The following FGF14 variants were observed in gnomAD, a reference collection of about 807,000 sequenced individuals.
The protein encoded by FGF14 is fibroblast growth factor 14, also known as fibroblast growth factor homologous factor 4.
FGF14 carries 5 observed loss-of-function variants against 25.5 expected under a neutral mutation model. That is an observed-to-expected ratio of 0.20 (90% CI 0.10 to 0.41). The LOEUF (loss-of-function observed/expected upper bound fraction) is 0.41. FGF14 is among the 10% of genes least tolerant of loss of function. FGF14 has a pLI of 1.00. For missense variants in FGF14, 222 were observed against 320.1 expected, an observed-to-expected ratio of 0.69 and a Z score of 2.34; for synonymous variants, 138 against 118.3, an observed-to-expected ratio of 1.17 and a Z score of -1.08.
intron 1 of FGF14, among the ~76,000 whole-genome samples, chr13:102,101,887 G>C (rs1470016569): frequency 6.6e-6 from 1 of 152,046 alleles, no homozygotes; most frequent in Non-Finnish European, 1.5e-5. Flanking sequence ...ATTTTTAGTA[G>C]AGATGGGGTT....
intron 1 of FGF14, among the ~76,000 whole-genome samples, chr13:102,268,803 A>G (rs2053115405): frequency 6.6e-6 from 1 of 152,186 alleles, no homozygotes; most frequent in Non-Finnish European, 1.5e-5. Context: ...ATAGAAATAA[A>G]TTAACAAAAA....
intron 1 of FGF14, among the ~76,000 whole-genome samples, chr13:102,137,990 G>A (rs1308358395): frequency 6.6e-6 from 1 of 150,550 alleles, no homozygotes; most frequent in Non-Finnish European, 1.5e-5. Flanking sequence ...AGAAGTCCTT[G>A]TGAGGGAAAG....
chr13:102,045,838 C>G (rs1223007118), intron 1 of FGF14: 1 of 152,334 alleles, frequency 6.6e-6, no homozygotes, highest in Non-Finnish European at 1.5e-5. Context: ...CTGGTAGCTA[C>G]TTGGAGGCAC....
chr13:101,871,441 C>T lies in FGF14; in HGVS notation c.305-2613G>A, dbSNP rs138381066. Among the ~76,000 whole-genome samples the T allele has an allele frequency of 4.3e-3, 652 of 152,144 alleles. 8 individuals are homozygous for T. Among genetic ancestry groups the T allele is most frequent in the African/African-American group, 0.015 (630 of 41,498 alleles). On this transcript the variant is annotated intron_variant, in intron 2 of 4. Coordinates refer to ENST00000376143, the MANE Select transcript of FGF14 (RefSeq NM_004115.4). ...AATAACCCTAATATACAACTAAGGA[C>T]GGTGAGAACTGCCGTCCTAAATCCT...
chr13:102,325,555 C>A (rs2056396851), intron 1 of FGF14, among the ~76,000 whole-genome samples: 1 of 152,166 alleles, frequency 6.6e-6, no homozygotes, highest in African/African-American at 2.4e-5. Context: ...GCCTGGAATT[C>A]TATCGTCTGG....
intron 3 of FGF14, among the ~76,000 whole-genome samples, chr13:101,868,125 G>A (rs77547234): frequency 0.013 from 2,024 of 152,178 alleles, 25 homozygotes; most frequent in Non-Finnish European, 0.021. Context: ...GCTTAAACCT[G>A]TGGCAGAAAT....
chr13:101,894,023 CTTTTT>C (rs60213924), intron 1 of FGF14, among the ~76,000 whole-genome samples: 1 of 143,922 alleles, frequency 6.9e-6, no homozygotes, highest in Non-Finnish European at 1.5e-5. Flanking sequence ...CCTTTCCTGG[CTTTTT>C]TTTTTTTCAC....
At chr13:101,837,733 C>G (rs955198253) in intron 3 of FGF14, among the ~76,000 whole-genome samples, 1 of 152,016 alleles carries the variant, frequency 6.6e-6, no homozygotes, top group East Asian at 1.9e-4. Context: ...TTCAATTTAT[C>G]CTGAAATATA....
chr13:102,220,486 A>G (rs73567209), intron 1 of FGF14, among the ~76,000 whole-genome samples: 4,831 of 152,304 alleles, frequency 0.032, 252 homozygotes, highest in African/African-American at 0.11. Context: ...TGAAGTTTCA[A>G]GACATTAGAT....
chr13:101,930,417 A>C (rs1247042536), intron 1 of FGF14, among the ~76,000 whole-genome samples: 1 of 152,180 alleles, frequency 6.6e-6, no homozygotes, highest in Non-Finnish European at 1.5e-5. Context: ...TATTTATAGC[A>C]CACTCATGTC....
At chr13:102,216,670 A>G (rs2050385446) in intron 1 of FGF14, among the ~76,000 whole-genome samples, 1 of 152,118 alleles carries the variant, frequency 6.6e-6, no homozygotes, top group Non-Finnish European at 1.5e-5. Context: ...ACATTCTAAA[A>G]CCTTTCCGAT....
At chr13:102,188,432 T>C (rs893004496) in intron 1 of FGF14, among the ~76,000 whole-genome samples, 3 of 152,184 alleles carry the variant, frequency 2.0e-5, no homozygotes, top group African/African-American at 7.2e-5. Context: ...CTGTGTGACC[T>C]TGGGATATTA....
At chr13:102,177,740 G>A (rs1490152812) in intron 1 of FGF14, among the ~76,000 whole-genome samples, 2 of 151,220 alleles carry the variant, frequency 1.3e-5, no homozygotes, top group Non-Finnish European at 2.9e-5. Context: ...ATTACCAAGA[G>A]CTATTTAAGG....
At chr13:102,211,257 A>G (rs1025773195) in intron 1 of FGF14, among the ~76,000 whole-genome samples, 6 of 152,064 alleles carry the variant, frequency 3.9e-5, no homozygotes, top group Admixed American at 1.3e-4. Flanking sequence ...TTAAATCCCT[A>G]TATCTATTTT....
At chr13:102,331,382 C>T (rs1200329439) in intron 1 of FGF14, among the ~76,000 whole-genome samples, 1 of 152,176 alleles carries the variant, frequency 6.6e-6, no homozygotes, top group Non-Finnish European at 1.5e-5. Flanking sequence ...TGCTGTTCTA[C>T]TCCATCACAT....
chr13:101,997,013 G>A (rs1227321977), intron 1 of FGF14, among the ~76,000 whole-genome samples: 3 of 152,158 alleles, frequency 2.0e-5, no homozygotes, highest in Non-Finnish European at 4.4e-5. Flanking sequence ...TTATTTAAAT[G>A]CCATCTGATG....
At chr13:101,926,657 A>C (rs997821088) in intron 1 of FGF14, among the ~76,000 whole-genome samples, 5 of 152,244 alleles carry the variant, frequency 3.3e-5, no homozygotes, top group African/African-American at 7.2e-5. Context: ...AGGCCATAGA[A>C]TCTAGCTAAA....
chr13:101,782,853 T>C (rs9518544), intron 3 of FGF14, among the ~76,000 whole-genome samples: 138,127 of 152,244 alleles, frequency 0.91, 64,158 homozygotes, highest in East Asian at 1. Context: ...GAATATACAC[T>C]TGCATGTGTC....
chr13:102,103,385 T>C (rs2140293995), intron 1 of FGF14, among the ~76,000 whole-genome samples: 1 of 152,294 alleles, frequency 6.6e-6, no homozygotes, highest in East Asian at 1.9e-4. Flanking sequence ...TTTTTGACTA[T>C]TTTCCTGAAA....
Sources: gnomAD v4.1 joint callset for allele counts (sites outside exome capture counted in the v4.1 genomes callset) on GRCh38, gnomAD v4.1.1 for gene constraint, MANE v1.5 for transcripts, NCBI Gene and HGNC (gene_info 2026-07-23, HGNC 2026-07-21) for gene names.